Variants in C16orf78 observed in about 807,000 individuals in gnomAD.
The protein encoded by C16orf78 is chromosome 16 open reading frame 78.
C16orf78 carries 19 observed loss-of-function variants against 27.3 expected under a neutral mutation model. The observed-to-expected ratio is 0.70, with a 90% confidence interval of 0.49 to 1.02. The LOEUF (loss-of-function observed/expected upper bound fraction) is 1.02, where lower values mean the gene tolerates loss of function less well. Among genes scored for constraint, C16orf78 ranks in the 50% least tolerant of loss-of-function variants. The pLI is 0.00. For missense variants in C16orf78, 339 were observed against 337.0 expected (o/e 1.01, Z -0.05); for synonymous variants, 130 against 116.1 (o/e 1.12, Z -0.77).
In C16orf78 at chr16:49,378,691, G is replaced by A. The variant is rs532976314; in HGVS notation, c.394+98G>A. 3.3e-5 allele frequency: 50 copies of A among 1,532,324 alleles called. No homozygotes were observed. In the Middle Eastern group the frequency reaches 5.1e-4, roughly 16 times the overall value. The allele number at this position is 1,532,324 out of a possible 1,614,324, so 94.9% of individuals were successfully genotyped here. A position where few individuals can be genotyped will look rare whatever the true frequency, so the allele number is the denominator to read the frequency against. ...CTCACGCCATTCTTAGAGCAGTAGC[G>A]TCCACGTCAATCCAACCATTGTGCA... On this transcript the variant is annotated intron_variant, in intron 3 of 4. Coordinates refer to ENST00000299191, the MANE Select transcript of C16orf78 (RefSeq NM_144602.4).
chr16:49,396,595 G>A lies in C16orf78; in HGVS notation c.567G>A (p.Lys189=). Residue 189 remains lysine, a synonymous_variant, in exon 4 of 5, where the codon AAG becomes AAA. Transcript: ENST00000299191. ...NKMPDMAYER[K]LKSLMEKSTE... is the part of the protein sequence containing the mutation. ...TGCCTGACATGGCTTACGAACGCAA[G>A]CTAAAGAGCCTCATGGAGAAAAGCA... 6.2e-7 allele frequency: 1 copy of A among 1,614,108 alleles called. No individual in the cohort carries two copies. Among genetic ancestry groups the A allele is most frequent in the Non-Finnish European group, 8.5e-7 (1 of 1,180,032 alleles).
intron 3 of C16orf78, among the ~76,000 whole-genome samples, chr16:49,388,621 C>T (rs753678711): frequency 5.3e-5 from 8 of 152,164 alleles, no homozygotes; most frequent in Non-Finnish European, 1.0e-4. Context: ...AAGCAATCCT[C>T]CCACCTCAGC....
rs775578028 is a variant in C16orf78, at chr16:49,378,519, A to G, written c.320A>G (p.Tyr107Cys). 10 of 1,611,278 alleles carry G rather than the reference A, an allele frequency of 6.2e-6. No individual in the cohort carries two copies. Among genetic ancestry groups the G allele is most frequent in the African/African-American group, 5.3e-5 (4 of 74,924 alleles). The change falls in exon 3 of 5, where the codon TAT (tyrosine) becomes TGT (cysteine). Residue 107 changes from tyrosine to cysteine, a missense_variant. Coordinates refer to ENST00000299191, the MANE Select transcript of C16orf78 (RefSeq NM_144602.4). ...RKDAASYRSL[Y>C]GVEQKGKHLS... ...GACGCCGCCTCCTACCGAAGCCTCT[A>G]TGGAGTGGAGCAAAAGGGGAAACAC...
chr16:49,392,300 T>C (rs1965422469), intron 3 of C16orf78, among the ~76,000 whole-genome samples: 1 of 152,244 alleles, frequency 6.6e-6, no homozygotes, highest in African/African-American at 2.4e-5. Context: ...ATGACTTATA[T>C]TTGTAGATTC....
intron 3 of C16orf78, among the ~76,000 whole-genome samples, chr16:49,393,175 T>C (rs893033474): frequency 7.9e-5 from 12 of 152,266 alleles, no homozygotes; most frequent in African/African-American, 2.2e-4. Context: ...AGTAACCCGA[T>C]ACATAGCCTT....
At position 49,378,647 on chromosome 16, in the gene C16orf78, C is replaced by T. The variant is rs1416104445; in HGVS notation, c.394+54C>T. On this transcript the variant is annotated intron_variant, in intron 3 of 4. Coordinates refer to ENST00000299191, the MANE Select transcript of C16orf78 (RefSeq NM_144602.4). ...CAGAATCCTGCTCCATAATCTCCTC[C>T]TCTAGAAGAAACCGAAAGCTCACGC... 4.4e-6 allele frequency: 7 copies of T among 1,605,298 alleles called. No homozygotes were observed. The East Asian group carries it at 1.3e-4, about 31-fold the overall frequency.
At chr16:49,374,186 G>A (rs758195597) in intron 1 of C16orf78, 97 bp downstream of exon 1, 59 of 1,474,520 alleles carry the variant, frequency 4.0e-5, no homozygotes, top group Non-Finnish European at 5.4e-5. Flanking sequence ...ACAAAAGGCG[G>A]GATGGTTTTG....
In C16orf78 at chr16:49,373,913, C is replaced by A; in HGVS notation, c.-27C>A. ...GAGTGAGACAGTGCCAGCCACCTCC[C>A]ACCCAAGCCACTAGCAAGACTCCAC... On this transcript the variant is annotated 5_prime_UTR_variant, in exon 1 of 5. Transcript: ENST00000299191. 1.2e-6 allele frequency: 2 copies of A among 1,613,182 alleles called. No individual in the cohort carries two copies. Among genetic ancestry groups the A allele is most frequent in the South Asian group, 2.2e-5 (2 of 90,842 alleles).
In C16orf78 at chr16:49,377,734, C is replaced by A; in HGVS notation, c.154C>A (p.Gln52Lys). ...CTCTCTTCCCTTGTCTTTTCAGAAG[C>A]AAAAGCCCAAAGTGGTGACAGTCCT... ...QGKKKQAPEK[Q>K]KPKVVTVLKR... The change falls in exon 2 of 5, where the codon CAA (glutamine) becomes AAA (lysine). Residue 52 changes from glutamine to lysine, a missense_variant. Transcript: ENST00000299191. The A allele has an allele frequency of 6.2e-7, 1 of 1,603,258 alleles. No individual in the cohort carries two copies.
chr16:49,391,808 A>G (rs1419026531), intron 3 of C16orf78, among the ~76,000 whole-genome samples: 1 of 152,186 alleles, frequency 6.6e-6, no homozygotes, highest in Non-Finnish European at 1.5e-5. Context: ...TATTTCAGGA[A>G]AGGTGATTGC....
chr16:49,392,892 G>A (rs1965429686), intron 3 of C16orf78, among the ~76,000 whole-genome samples: 1 of 152,158 alleles, frequency 6.6e-6, no homozygotes, highest in Non-Finnish European at 1.5e-5. Flanking sequence ...AGAAACTGGT[G>A]GGAAGTAATT....
At position 49,396,483 on chromosome 16, in the gene C16orf78, G is replaced by A. The variant is rs16947350; in HGVS notation, c.455G>A (p.Arg152Gln). ...ESTQRPNPFRRQSIVLDPMLQ... is the reference protein window; with the variant it reads ...ESTQRPNPFRQQSIVLDPMLQ... ...ACTCAGCGGCCAAACCCATTCCGTC[G>A]ACAAAGCATTGTCTTAGATCCCATG... The change falls in exon 4 of 5, where the codon CGA becomes CAA. Residue 152 changes from arginine (R) to glutamine (Q), a missense_variant. Transcript: ENST00000299191. The A allele has an allele frequency of 6.8e-3, 11,028 of 1,614,030 alleles. 656 individuals are homozygous for A. In the African/African-American group the frequency reaches 0.13, roughly 19 times the overall value.
chr16:49,383,493 C>G (rs1035089131), intron 3 of C16orf78, among the ~76,000 whole-genome samples: 1 of 152,244 alleles, frequency 6.6e-6, no homozygotes, highest in African/African-American at 2.4e-5. Context: ...TATCCTACCA[C>G]TTCTGCCTCA....
At chr16:49,394,515 A>G (rs1354390845) in intron 3 of C16orf78, among the ~76,000 whole-genome samples, 1 of 152,046 alleles carries the variant, frequency 6.6e-6, no homozygotes, top group East Asian at 1.9e-4. Context: ...AGCAATTATC[A>G]CCAGTGAAAA....
intron 3 of C16orf78, among the ~76,000 whole-genome samples, chr16:49,385,173 T>C (rs1485661636): frequency 2.0e-5 from 3 of 152,146 alleles, no homozygotes; most frequent in African/African-American, 7.2e-5. Flanking sequence ...TATGAATGAC[T>C]TTCAACTCTA....
chr16:49,383,095 T>C (rs183126582), intron 3 of C16orf78, among the ~76,000 whole-genome samples: 57 of 152,334 alleles, frequency 3.7e-4, no homozygotes, highest in African/African-American at 1.3e-3. Context: ...GAAGAAGCCT[T>C]GTCTCTCCTG....
chr16:49,396,473 C>T lies in C16orf78; in HGVS notation c.445C>T (p.Pro149Ser), dbSNP rs895598442. 6.2e-7 allele frequency: 1 copy of T among 1,614,056 alleles called. No homozygotes were observed. Among genetic ancestry groups the T allele is most frequent in the African/African-American group, 1.3e-5 (1 of 74,924 alleles). The change falls in exon 4 of 5, where the codon CCA becomes TCA. Residue 149 changes from proline to serine, a missense_variant. By Grantham distance (74) the Pro-to-Ser change is moderately conservative (BLOSUM62 -1). Transcript: ENST00000299191. ...VDPESTQRPN[P>S]FRRQSIVLDP... ...CCCAGAGTCCACTCAGCGGCCAAACCCATTCCGTCGACAAAGCATTGTCTT... is the reference window on the plus strand; with the variant it reads ...CCCAGAGTCCACTCAGCGGCCAAACTCATTCCGTCGACAAAGCATTGTCTT...
At chr16:49,383,951 C>T (rs1275369080) in intron 3 of C16orf78, among the ~76,000 whole-genome samples, 2 of 152,174 alleles carry the variant, frequency 1.3e-5, no homozygotes, top group African/African-American at 2.4e-5. Flanking sequence ...GAATAATCCT[C>T]TTAAGGACAT....
At position 49,396,627 on chromosome 16, in the gene C16orf78, CTAAGATGGAAACCA is replaced by C; in HGVS notation, c.601_614del (p.Lys201GlufsTer49). On this transcript the variant is annotated frameshift_variant, in exon 4 of 5. Coordinates refer to ENST00000299191, the MANE Select transcript of C16orf78 (RefSeq NM_144602.4). LOFTEE classifies it low-confidence loss of function (END_TRUNC). ...AGCCTCATGGAGAAAAGCACCGAACCTAAGATGGAAACCATGAGGATGTTGAAGCCAGAGGAGGT... is the reference window on the plus strand; with the variant it reads ...AGCCTCATGGAGAAAAGCACCGAACCTGAGGATGTTGAAGCCAGAGGAGGT... 6.2e-7 allele frequency: 1 copy of C among 1,613,344 alleles called. No homozygotes were observed. The highest frequency in any genetic ancestry group is 8.5e-7 in the Non-Finnish European group (1 of 1,180,030).
Sources: allele counts gnomAD v4.1 joint callset (sites outside exome capture counted in the v4.1 genomes callset), GRCh38; gene constraint gnomAD v4.1.1; transcripts MANE v1.5; gene names NCBI Gene and HGNC (gene_info 2026-07-23, HGNC 2026-07-21).